Variants in PLXNC1 observed in about 807,000 individuals in gnomAD.
PLXNC1 encodes plexin C1.
In PLXNC1, 75 loss-of-function variants were observed where a neutral mutation model predicts 178.2. That is an observed-to-expected ratio of 0.42 (90% CI 0.35 to 0.51). The LOEUF (loss-of-function observed/expected upper bound fraction) is 0.51, where lower values mean the gene tolerates loss of function less well. PLXNC1 is among the 20% of genes least tolerant of loss of function. PLXNC1 has a pLI of 0.02. For synonymous variants in PLXNC1, 790 were observed against 779.9 expected, an observed-to-expected ratio of 1.01 and a Z score of -0.22; for missense variants, 1,503 against 1,984.4, an observed-to-expected ratio of 0.76 and a Z score of 4.61.
chr12:94,169,007 CG>C, intron 1 of PLXNC1, 145 bp from the exon 2 acceptor site: 1 of 704,290 alleles, frequency 1.4e-6, no homozygotes, highest in Non-Finnish European at 2.3e-6. Context: ...AGGTTGCTCC[CG>C]GGGAATCTAG....
At chr12:94,198,466 A>G (rs1963001985) in intron 4 of PLXNC1, among the ~76,000 whole-genome samples, 1 of 152,082 alleles carries the variant, frequency 6.6e-6, no homozygotes. Flanking sequence ...ACAAACCTAC[A>G]CATCCTGCAC....
intron 4 of PLXNC1, among the ~76,000 whole-genome samples, chr12:94,203,211 G>A (rs947211988): frequency 6.6e-6 from 1 of 152,168 alleles, no homozygotes; most frequent in Admixed American, 6.5e-5. Context: ...CATTAAACCA[G>A]ACCAGGTAGT....
intron 12 of PLXNC1, among the ~76,000 whole-genome samples, chr12:94,246,371 G>A: frequency 6.6e-6 from 1 of 152,204 alleles, no homozygotes; most frequent in Non-Finnish European, 1.5e-5. Flanking sequence ...CTGGGGCATC[G>A]TGAAGCTAGA....
intron 14 of PLXNC1, 123 bp downstream of exon 14, chr12:94,248,535 A>T (rs1377085970): frequency 2.4e-6 from 2 of 816,748 alleles, no homozygotes; most frequent in Non-Finnish European, 3.8e-6. Flanking sequence ...AATAGAAGAT[A>T]AACAAAGCTG....
chr12:94,240,793 G>A, intron 11 of PLXNC1, 129 bp downstream of exon 11: 1 of 726,302 alleles, frequency 1.4e-6, no homozygotes, highest in Non-Finnish European at 2.3e-6. Context: ...TTCTCCTTAG[G>A]ATTTACTCCT....
At chr12:94,258,053 G>A (rs1160121885) in intron 17 of PLXNC1, among the ~76,000 whole-genome samples, 2 of 151,410 alleles carry the variant, frequency 1.3e-5, no homozygotes, top group Admixed American at 6.6e-5. Context: ...CTTGAACCCG[G>A]GAGGCAGAGG....
chr12:94,150,991 G>A (rs1432250482), intron 1 of PLXNC1: 2 of 152,212 alleles, frequency 1.3e-5, no homozygotes, highest in Non-Finnish European at 2.9e-5. Context: ...GGATTATGGA[G>A]CCATTGTGCA....
Position 94,169,239 on chromosome 12 carries a change from G to A in PLXNC1, c.1149G>A (p.Val383=). Reference sequence around the variant, plus strand: ...ACCTGACATCCGTTTATGGCACCGTGGTAATGAACAGGACTGTTTTATTCT... The same window carrying A: ...ACCTGACATCCGTTTATGGCACCGTAGTAATGAACAGGACTGTTTTATTCT... The part of the protein sequence containing the change: ...HSDLTSVYGT[V]VMNRTVLFLG... Residue 383 remains valine, a synonymous_variant, in exon 2 of 31, where the codon GTG becomes GTA. Coordinates refer to ENST00000258526, the MANE Select transcript of PLXNC1 (RefSeq NM_005761.3). 1 of 1,613,964 alleles carries A rather than the reference G, an allele frequency of 6.2e-7. No homozygotes were observed. The highest frequency in any genetic ancestry group is 8.5e-7 in the Non-Finnish European group (1 of 1,179,878).
At chr12:94,241,060 T>C (rs887120464) in intron 11 of PLXNC1, among the ~76,000 whole-genome samples, 2 of 152,202 alleles carry the variant, frequency 1.3e-5, no homozygotes, top group African/African-American at 4.8e-5. Flanking sequence ...TATTGGGAGC[T>C]ATCAAAATGA....
intron 4 of PLXNC1, among the ~76,000 whole-genome samples, chr12:94,200,148 C>T (rs1325073231): frequency 2.6e-5 from 4 of 152,180 alleles, no homozygotes; most frequent in Admixed American, 1.3e-4. Flanking sequence ...CCTCAGCCTC[C>T]GTGCTACTTA....
At position 94,240,725 on chromosome 12, in the gene PLXNC1, A is replaced by G. The variant is rs918354429; in HGVS notation, c.2300+61A>G. ...GTTAAAGGTCATATGCCCAAAGATC[A>G]TTGATTTTATTCAAGTAAATTCAGA... On this transcript the variant is annotated intron_variant, in intron 11 of 30. Coordinates refer to ENST00000258526, the MANE Select transcript of PLXNC1 (RefSeq NM_005761.3). 2.4e-6 allele frequency: 3 copies of G among 1,250,428 alleles called. No homozygotes were observed. In the Admixed American group the frequency reaches 6.5e-5, roughly 27 times the overall value. The allele number at this position is 1,250,428 out of a possible 1,614,324, so 77.5% of individuals were successfully genotyped here.
At chr12:94,187,901 T>C (rs140606706) in intron 4 of PLXNC1, among the ~76,000 whole-genome samples, 4 of 151,986 alleles carry the variant, frequency 2.6e-5, no homozygotes, top group African/African-American at 9.7e-5. Context: ...TGAGTGTTGA[T>C]TGAGGAGAGA....
intron 4 of PLXNC1, among the ~76,000 whole-genome samples, chr12:94,208,581 A>G (rs1234846143): frequency 6.6e-6 from 1 of 152,194 alleles, no homozygotes; most frequent in Non-Finnish European, 1.5e-5. Context: ...TTTCAATCTC[A>G]TGATTCATGT....
rs11376959 is a variant in PLXNC1 at position 94,238,488 on chromosome 12, GA to G, written c.2120+696del. Among the ~76,000 whole-genome samples, 61 of 146,498 alleles carry G rather than the reference GA, an allele frequency of 4.2e-4. 2 individuals carry two copies. Among genetic ancestry groups the G allele is most frequent in the Admixed American group, 2.3e-3 (34 of 14,756 alleles). ...TTGTGCAAATGGTTACTCCCCCTTC[GA>G]AAAAAAAAAAGTGATGTGATAACTG... On this transcript the variant is annotated intron_variant, in intron 10 of 30. Transcript: ENST00000258526.
intron 1 of PLXNC1, chr12:94,168,394 T>G (rs555077306): frequency 6.6e-6 from 1 of 152,378 alleles, no homozygotes; most frequent in African/African-American, 2.4e-5. Context: ...CGACACTCTC[T>G]CTGCTCTGGG....
intron 1 of PLXNC1, among the ~76,000 whole-genome samples, chr12:94,152,891 A>G (rs1401158726): frequency 1.3e-5 from 2 of 152,170 alleles, no homozygotes; most frequent in African/African-American, 2.4e-5. Context: ...TGCTTGTGTA[A>G]TGAGTGTGTA....
chr12:94,178,517 A>G (rs1258673033), intron 2 of PLXNC1, among the ~76,000 whole-genome samples: 2 of 152,250 alleles, frequency 1.3e-5, no homozygotes, highest in African/African-American at 4.8e-5. Flanking sequence ...TTCCAGAACC[A>G]GATCAACTGA....
intron 21 of PLXNC1, among the ~76,000 whole-genome samples, chr12:94,269,432 T>TA (rs1965443157): frequency 6.6e-6 from 1 of 152,212 alleles, no homozygotes; most frequent in Non-Finnish European, 1.5e-5. Context: ...TTGGGACAAT[T>TA]ACGTTTAATA....
At chr12:94,164,661 GCACACACA>G (rs3060912) in intron 1 of PLXNC1, among the ~76,000 whole-genome samples, 47,488 of 148,664 alleles carry the variant, frequency 0.32, 7,913 homozygotes, top group South Asian at 0.43. Context: ...ATGACTCCCT[GCACACACA>G]CACACACACA....
Sources: gnomAD v4.1 joint callset for allele counts (sites outside exome capture counted in the v4.1 genomes callset) on GRCh38, gnomAD v4.1.1 for gene constraint, MANE v1.5 for transcripts, NCBI Gene and HGNC (gene_info 2026-07-23, HGNC 2026-07-21) for gene names.